The following PUS10 variants were observed in gnomAD, a reference collection of about 807,000 sequenced individuals.
PUS10 encodes pseudouridine synthase 10.
In PUS10, 59 loss-of-function variants were observed where a neutral mutation model predicts 75.0. That is an observed-to-expected ratio of 0.79 (90% CI 0.64 to 0.98). The LOEUF is 0.98. PUS10 is among the 50% of genes least tolerant of loss of function. The probability of loss-of-function intolerance (pLI) is 0.00; values close to 1 mark genes in which losing one functional copy is unlikely to be tolerated. For synonymous variants in PUS10, 219 were observed against 211.6 expected (o/e 1.03, Z -0.30); for missense variants, 650 against 614.4 (o/e 1.06, Z -0.61).
chr2:61,017,552 C>A, intron 1 of PUS10: 1 of 547,982 alleles, frequency 1.8e-6, no homozygotes, highest in Non-Finnish European at 3.3e-6. Context: ...GGGGCAAATA[C>A]AAAGAGCGTG....
rs1403002008 is a variant in PUS10, at chr2:60,955,957, C to T, written c.1001-883G>A. 3.9e-5 allele frequency among the ~76,000 whole-genome samples: 6 copies of T among 152,178 alleles called. No individual in the cohort carries two copies. In the East Asian group the frequency reaches 9.7e-4, roughly 25 times the overall value. On this transcript the variant is annotated intron_variant, in intron 11 of 17. Transcript: ENST00000316752. ...GAAAAGGAGGGAAAAAAAGGTTTGA[C>T]TCTAAGAAGCAAATTCATTATATAT...
chr2:60,985,723 A>C (rs1677679765), intron 4 of PUS10, among the ~76,000 whole-genome samples: 1 of 151,436 alleles, frequency 6.6e-6, no homozygotes, highest in Admixed American at 6.6e-5. Context: ...TTAGTCTTGA[A>C]CTCCTGGCCT....
At chr2:60,978,932 C>T (rs1376883926) in intron 4 of PUS10, among the ~76,000 whole-genome samples, 1 of 152,168 alleles carries the variant, frequency 6.6e-6, no homozygotes, top group East Asian at 1.9e-4. Context: ...AAATCACCAC[C>T]AATGCCCTTC....
At position 60,990,909 on chromosome 2, in the gene PUS10, T is replaced by C. The variant is rs554268151; in HGVS notation, c.468+15648A>G. 5.9e-5 allele frequency among the ~76,000 whole-genome samples: 9 copies of C among 152,262 alleles called. 1 individual carries two copies. The highest frequency in any genetic ancestry group is 3.4e-3 in the Middle Eastern group (1 of 294). On this transcript the variant is annotated intron_variant, in intron 4 of 17. Coordinates refer to ENST00000316752, the MANE Select transcript of PUS10 (RefSeq NM_144709.4). The stretch of plus-strand genomic sequence containing the variant: ...ACAGGTGCACACCACCAAGCCCAGA[T>C]AACTTTCTTCATTTTTTGTTGACAT...
In PUS10 at chr2:61,008,400, A is replaced by C. The variant is rs563914994; in HGVS notation, c.381+361T>G. 7.2e-5 allele frequency among the ~76,000 whole-genome samples: 11 copies of C among 152,198 alleles called. No individual in the cohort carries two copies. In the East Asian group the frequency reaches 1.2e-3, roughly 16 times the overall value. On this transcript the variant is annotated intron_variant, in intron 3 of 17. Coordinates refer to ENST00000316752, the MANE Select transcript of PUS10 (RefSeq NM_144709.4). ...TAGCCAGGCATGAGGCTGAGGCAGG[A>C]CAATTGCTTGAACCTGGGAGGCGGA...
intron 4 of PUS10, among the ~76,000 whole-genome samples, chr2:60,999,818 G>A (rs2104632966): frequency 6.6e-6 from 1 of 152,150 alleles, no homozygotes; most frequent in East Asian, 1.9e-4. Flanking sequence ...AACATTTAGG[G>A]GGGAAAAAGG....
chr2:60,942,335 G>A lies in PUS10; in HGVS notation c.*60C>T. ...GGTAAACAGCCATTTTACGGCATGT[G>A]CTCCATGGATGTCCACATCATGCCA... On this transcript the variant is annotated 3_prime_UTR_variant, in exon 18 of 18. Transcript: ENST00000316752. The A allele has an allele frequency of 7.2e-7, 1 of 1,389,738 alleles. No homozygotes were observed. The highest frequency in any genetic ancestry group is 1.0e-6 in the Non-Finnish European group (1 of 975,566). 86.1% of individuals were successfully genotyped at this position (1,389,738 alleles called of 1,614,324 possible). A position where few individuals can be genotyped will look rare whatever the true frequency, so the allele number is the denominator to read the frequency against.
Position 60,974,960 on chromosome 2 carries a change from C to T in PUS10, c.469-3403G>A, listed in dbSNP as rs748923349. ...ACTGTCCACAGAGGTTTCCAGCTGG[C>T]GAAGCAACACCCCAAGGATCCCGTA... On this transcript the variant is annotated intron_variant, in intron 4 of 17. Coordinates refer to ENST00000316752, the MANE Select transcript of PUS10 (RefSeq NM_144709.4). 1.8e-4 allele frequency among the ~76,000 whole-genome samples: 27 copies of T among 152,204 alleles called. 1 individual carries two copies. Among genetic ancestry groups the T allele is most frequent in the Non-Finnish European group, 2.8e-4 (19 of 68,044 alleles).
chr2:60,979,438 C>CA (rs1251442005), intron 4 of PUS10, among the ~76,000 whole-genome samples: 2 of 151,900 alleles, frequency 1.3e-5, no homozygotes, highest in East Asian at 3.9e-4. Context: ...GGCGTGGTGG[C>CA]AAAAAAGAGG....
chr2:60,952,681 A>C (rs531735891), intron 15 of PUS10, among the ~76,000 whole-genome samples: 3 of 152,228 alleles, frequency 2.0e-5, no homozygotes, highest in African/African-American at 7.2e-5. Flanking sequence ...AATTTTATAG[A>C]TGAAGAAATT....
chr2:60,966,739 A>G (rs1221767083), intron 6 of PUS10: 1 of 152,342 alleles, frequency 6.6e-6, no homozygotes, highest in East Asian at 1.9e-4. Flanking sequence ...ATATTCTTAC[A>G]GAAGGAAATA....
intron 12 of PUS10, 49 bp downstream of exon 12, chr2:60,954,969 T>C: frequency 7.9e-7 from 1 of 1,264,908 alleles, no homozygotes; most frequent in Non-Finnish European, 1.1e-6. Context: ...CTAGAAAGGA[T>C]GATAATCAGA....
chr2:60,983,503 A>G (rs1677533942), intron 4 of PUS10, among the ~76,000 whole-genome samples: 1 of 151,870 alleles, frequency 6.6e-6, no homozygotes, highest in Non-Finnish European at 1.5e-5. Context: ...ACATGGTGAA[A>G]CCCCTCTCTA....
rs771610641 is a variant in PUS10, at chr2:61,017,848, T to C, written c.-16+160A>G. 1,296 of 1,550,418 alleles carry C rather than the reference T, an allele frequency of 8.4e-4. No individual in the cohort carries two copies. The highest frequency in any genetic ancestry group is 1.0e-3 in the Non-Finnish European group (1,154 of 1,146,730). On this transcript the variant is annotated intron_variant, in intron 1 of 17. Coordinates refer to ENST00000316752, the MANE Select transcript of PUS10 (RefSeq NM_144709.4). Reference sequence around the variant, plus strand: ...CCGGGACCAGGACCGGGCCCCACTTTCCAGTGAGTGTGGGATTCTTCAGGC... The same window carrying C: ...CCGGGACCAGGACCGGGCCCCACTTCCCAGTGAGTGTGGGATTCTTCAGGC...
chr2:60,965,475 C>T lies in PUS10; in HGVS notation c.625G>A (p.Glu209Lys). The T allele has an allele frequency of 1.2e-6, 2 of 1,603,668 alleles. No homozygotes were observed. Among genetic ancestry groups the T allele is most frequent in the Non-Finnish European group, 1.7e-6 (2 of 1,176,832 alleles). ...GVPIDGKSLFEVSVVFAHPET... is the reference protein window; with the variant it reads ...GVPIDGKSLFKVSVVFAHPET... The stretch of plus-strand genomic sequence containing the variant: ...GGGTGAGCAAAGACCACACTCACTT[C>T]AAACAAGCTCTAAAAATTATAAAGA... The change falls in exon 7 of 18, where the codon GAA (glutamate) becomes AAA (lysine). Residue 209 changes from glutamate (E) to lysine (K), a missense_variant. Physicochemically the swap from Glu to Lys is moderately conservative, Grantham distance 56. Coordinates refer to ENST00000316752, the MANE Select transcript of PUS10 (RefSeq NM_144709.4).
At position 60,961,517 on chromosome 2, in the gene PUS10, C is replaced by A; in HGVS notation, c.820G>T (p.Ala274Ser). Residue 274 changes from alanine (A) to serine (S), a missense_variant, in exon 10 of 18, where the codon GCT (alanine) becomes TCT (serine). Ala to Ser is a moderately conservative substitution (Grantham distance 99). Coordinates refer to ENST00000316752, the MANE Select transcript of PUS10 (RefSeq NM_144709.4). ...QFPCPPNSPK[A>S]VCAVLEIECA... is the part of the protein sequence containing the mutation. ...TCAATTTCAAGAACAGCGCATACAGCCTTTGGTGAGTTTGGAGGACAAGGA... is the reference window on the plus strand; with the variant it reads ...TCAATTTCAAGAACAGCGCATACAGACTTTGGTGAGTTTGGAGGACAAGGA... 6.2e-7 allele frequency: 1 copy of A among 1,614,050 alleles called. No individual in the cohort carries two copies. Among genetic ancestry groups the A allele is most frequent in the Non-Finnish European group, 8.5e-7 (1 of 1,179,972 alleles).
At chr2:60,956,040 C>T (rs577972245) in intron 11 of PUS10, among the ~76,000 whole-genome samples, 3 of 151,070 alleles carry the variant, frequency 2.0e-5, no homozygotes, top group Admixed American at 6.6e-5. Context: ...GTATGCTCTG[C>T]GATAAGTTGA....
Position 60,955,028 on chromosome 2 carries a change from T to C in PUS10, c.1047A>G (p.Thr349=). Residue 349 remains threonine (T), a synonymous_variant, in exon 12 of 18, where the codon ACA becomes ACG. Coordinates refer to ENST00000316752, the MANE Select transcript of PUS10 (RefSeq NM_144709.4). ...SSGREDVDVR[T]LGNGRPFAIE... ...CTGTTGCAGTCTTACCATTTCCTAATGTTCTCACATCTACATCTTCTCTTC... is the reference window on the plus strand; with the variant it reads ...CTGTTGCAGTCTTACCATTTCCTAACGTTCTCACATCTACATCTTCTCTTC... 3 of 1,586,698 alleles carry C rather than the reference T, an allele frequency of 1.9e-6. No homozygotes were observed. The highest frequency in any genetic ancestry group is 2.6e-6 in the Non-Finnish European group (3 of 1,165,326).
intron 4 of PUS10, among the ~76,000 whole-genome samples, chr2:60,975,626 T>G (rs1676987028): frequency 6.8e-6 from 1 of 148,010 alleles, no homozygotes; most frequent in Non-Finnish European, 1.5e-5. Context: ...TAAACTGTTT[T>G]ATAATAGACG....
Sources: allele counts gnomAD v4.1 joint callset (sites outside exome capture counted in the v4.1 genomes callset), GRCh38; gene constraint gnomAD v4.1.1; transcripts MANE v1.5; gene names NCBI Gene and HGNC (gene_info 2026-07-23, HGNC 2026-07-21).